Variants in PAPPA2 observed in about 807,000 individuals in gnomAD.
The protein encoded by PAPPA2 is pappalysin 2.
PAPPA2 carries 86 observed loss-of-function variants against 176.4 expected under a neutral mutation model. That is an observed-to-expected ratio of 0.49 (90% CI 0.41 to 0.58). The LOEUF (loss-of-function observed/expected upper bound fraction) is 0.58, where lower values mean the gene tolerates loss of function less well. Ranked by LOEUF, PAPPA2 falls within the 20% of genes least tolerant of loss-of-function variation. The pLI, the probability that PAPPA2 is intolerant of heterozygous loss-of-function variation, is 0.00. For synonymous variants in PAPPA2, 809 were observed against 852.2 expected (o/e 0.95, Z 0.88); for missense variants, 2,073 against 2,256.9 (o/e 0.92, Z 1.65).
At chr1:176,554,253 C>T (rs1301717595) in intron 1 of PAPPA2, among the ~76,000 whole-genome samples, 1 of 152,190 alleles carries the variant, frequency 6.6e-6, no homozygotes, top group Non-Finnish European at 1.5e-5. Flanking sequence ...GCAGTGCGAT[C>T]TTACTCCAGA....
At chr1:176,602,652 C>T (rs1323236956) in intron 3 of PAPPA2, among the ~76,000 whole-genome samples, 1 of 151,640 alleles carries the variant, frequency 6.6e-6, no homozygotes, top group African/African-American at 2.4e-5. Flanking sequence ...GGAAAATAAG[C>T]GTAAGGGGTA....
intron 12 of PAPPA2, among the ~76,000 whole-genome samples, chr1:176,736,593 A>G (rs934138718): frequency 2.7e-5 from 4 of 148,032 alleles, no homozygotes; most frequent in African/African-American, 9.8e-5. Flanking sequence ...AAAGTCACAT[A>G]TATACATATA....
At position 176,550,516 on chromosome 1, in the gene PAPPA2, T is replaced by C. The variant is rs962313435; in HGVS notation, c.-916-4891T>C. Among the ~76,000 whole-genome samples the C allele has an allele frequency of 4.6e-5, 7 of 152,166 alleles. No individual in the cohort carries two copies. The South Asian group carries it at 8.3e-4, about 18-fold the overall frequency. Reference sequence around the variant, plus strand: ...GAGCTAGTTCCAAGCCTCAAAATCTTACAGAAAACACTTACCCAATAGGGA... The same window carrying C: ...GAGCTAGTTCCAAGCCTCAAAATCTCACAGAAAACACTTACCCAATAGGGA... On this transcript the variant is annotated intron_variant, in intron 1 of 22. Transcript: ENST00000367662.
chr1:176,503,878 C>G (rs1290201565), intron 1 of PAPPA2, among the ~76,000 whole-genome samples: 7 of 152,216 alleles, frequency 4.6e-5, no homozygotes, highest in Middle Eastern at 3.4e-3. Flanking sequence ...ACAAGTAGTA[C>G]AAATAAGCAT....
At chr1:176,602,370 G>T (rs1042060379) in intron 3 of PAPPA2, among the ~76,000 whole-genome samples, 1 of 152,152 alleles carries the variant, frequency 6.6e-6, no homozygotes, top group African/African-American at 2.4e-5. Flanking sequence ...AGTGGAGTCT[G>T]CAGGTATACA....
Position 176,699,125 on chromosome 1 carries a change from C to A in PAPPA2, c.2772C>A (p.Cys924Ter). ...GGCCTCCTGATGTGGATCAGCCCTG[C>A]GAGCCAAGCTTACAGGCCTGGAGCC... ...AVGPPDVDQP[C>*]EPSLQAWSPE... is the part of the protein sequence containing the mutation. Residue 924 changes from cysteine to a stop codon, truncating the protein, a stop_gained, in exon 8 of 23, where the codon TGC becomes TGA. Transcript: ENST00000367662. LOFTEE classifies it high-confidence loss of function. 1 of 1,613,576 alleles carries A rather than the reference C, an allele frequency of 6.2e-7. No individual in the cohort carries two copies. The highest frequency in any genetic ancestry group is 2.2e-5 in the East Asian group (1 of 44,858).
At chr1:176,775,512 T>C (rs1664418974) in intron 17 of PAPPA2, among the ~76,000 whole-genome samples, 1 of 152,192 alleles carries the variant, frequency 6.6e-6, no homozygotes, top group South Asian at 2.1e-4. Flanking sequence ...AACAGACATT[T>C]ATGCCTGATT....
chr1:176,820,520 C>T lies in PAPPA2; in HGVS notation c.5203-19653C>T, dbSNP rs1454397588. Among the ~76,000 whole-genome samples the T allele has an allele frequency of 9.4e-4, 143 of 152,324 alleles. 4 individuals carry two copies. Among genetic ancestry groups the T allele is most frequent in the Non-Finnish European group, 7.3e-5 (5 of 68,036 alleles). ...AGCACACAGCCGGGGTGTTTCCTTA[C>T]ACATGCACATGCACATGGCAGTGTA... is the stretch of plus-strand genomic sequence containing the variant. On this transcript the variant is annotated intron_variant, in intron 21 of 22. Transcript: ENST00000367662.
At chr1:176,700,260 A>G (rs1414179615) in intron 8 of PAPPA2, among the ~76,000 whole-genome samples, 5 of 152,314 alleles carry the variant, frequency 3.3e-5, no homozygotes, top group African/African-American at 7.2e-5. Flanking sequence ...AAAGAATTCA[A>G]TATCTGGAGC....
At chr1:176,806,337 C>T (rs1022841682) in intron 21 of PAPPA2, among the ~76,000 whole-genome samples, 4 of 152,162 alleles carry the variant, frequency 2.6e-5, no homozygotes, top group Admixed American at 1.3e-4. Context: ...TGAGAGACAC[C>T]TAATTCTTCA....
At chr1:176,654,735 C>T (rs1383304563) in intron 3 of PAPPA2, among the ~76,000 whole-genome samples, 3 of 151,654 alleles carry the variant, frequency 2.0e-5, no homozygotes, top group Non-Finnish European at 4.4e-5. Flanking sequence ...TTGTTTGCAT[C>T]ATCTACAATT....
chr1:176,573,336 G>T (rs893741279), intron 2 of PAPPA2, among the ~76,000 whole-genome samples: 4 of 152,122 alleles, frequency 2.6e-5, no homozygotes, highest in Admixed American at 6.6e-5. Context: ...CCTACAGGTA[G>T]CTCTCCACTT....
chr1:176,654,662 G>A (rs1483229744), intron 3 of PAPPA2, among the ~76,000 whole-genome samples: 1 of 151,286 alleles, frequency 6.6e-6, no homozygotes, highest in African/African-American at 2.4e-5. Flanking sequence ...AGATTGCTTG[G>A]GAAGTATGAT....
intron 1 of PAPPA2, among the ~76,000 whole-genome samples, chr1:176,517,973 A>G (rs1352955332): frequency 1.3e-5 from 2 of 152,174 alleles, no homozygotes; most frequent in Non-Finnish European, 2.9e-5. Flanking sequence ...AGTTAATGAG[A>G]AGGAAAGGCC....
chr1:176,817,847 CAG>C (rs945348801), intron 21 of PAPPA2, among the ~76,000 whole-genome samples: 5 of 152,064 alleles, frequency 3.3e-5, no homozygotes, highest in African/African-American at 1.2e-4. Flanking sequence ...ATTTCAGAAA[CAG>C]AGTCTCAGCT....
intron 14 of PAPPA2, among the ~76,000 whole-genome samples, chr1:176,759,657 C>T (rs1285589799): frequency 3.3e-5 from 5 of 152,174 alleles, no homozygotes; most frequent in Admixed American, 1.3e-4. Flanking sequence ...CTGAGCTCCC[C>T]GAATATGGAC....
In PAPPA2 at chr1:176,820,720, T is replaced by C. The variant is rs535327017; in HGVS notation, c.5203-19453T>C. The stretch of plus-strand genomic sequence containing the variant: ...ACACCCACAGCATGTGCAAATTCTC[T>C]CCTGATTCATACTTGGCCAGCCTCA... On this transcript the variant is annotated intron_variant, in intron 21 of 22. Transcript: ENST00000367662. Among the ~76,000 whole-genome samples, 7 of 152,192 alleles carry C rather than the reference T, an allele frequency of 4.6e-5. No homozygotes were observed. The East Asian group carries it at 1.2e-3, about 25-fold the overall frequency.
chr1:176,539,389 C>T (rs1219147180), intron 1 of PAPPA2, among the ~76,000 whole-genome samples: 1 of 152,210 alleles, frequency 6.6e-6, no homozygotes, highest in Non-Finnish European at 1.5e-5. Flanking sequence ...AGATGCCACC[C>T]TCAGCAGAGG....
intron 12 of PAPPA2, among the ~76,000 whole-genome samples, chr1:176,715,011 C>T (rs1394016793): frequency 6.6e-6 from 1 of 152,106 alleles, no homozygotes; most frequent in African/African-American, 2.4e-5. Context: ...ATGGCCATCT[C>T]CCCAGACCTC....
Sources: allele counts gnomAD v4.1 joint callset (sites outside exome capture counted in the v4.1 genomes callset), GRCh38; gene constraint gnomAD v4.1.1; transcripts MANE v1.5; gene names NCBI Gene and HGNC (gene_info 2026-07-23, HGNC 2026-07-21).